The following LAMC2 variants were observed in gnomAD, a reference collection of about 807,000 sequenced individuals.
The protein encoded by LAMC2 is laminin subunit gamma-2.
Under a neutral mutation model 140.2 loss-of-function variants are expected in LAMC2, and 97 were observed. The ratio of observed to expected loss-of-function variants is 0.69; its 90% CI spans 0.59 to 0.82. The LOEUF (loss-of-function observed/expected upper bound fraction) is 0.82, where lower values mean the gene tolerates loss of function less well. Among genes scored for constraint, LAMC2 ranks in the 40% least tolerant of loss-of-function variants. The probability of loss-of-function intolerance (pLI) is 0.00; values close to 1 mark genes in which losing one functional copy is unlikely to be tolerated. For synonymous variants in LAMC2, 513 were observed against 540.2 expected (o/e 0.95, Z 0.70); for missense variants, 1,402 against 1,476.1 (o/e 0.95, Z 0.82).
At chr1:183,193,653 T>G (rs1449347334) in intron 1 of LAMC2, among the ~76,000 whole-genome samples, 1 of 152,204 alleles carries the variant, frequency 6.6e-6, no homozygotes, top group African/African-American at 2.4e-5. Flanking sequence ...CCAACAGTAA[T>G]CTGAAGCTGC....
At chr1:183,222,232 C>T (rs2296305) in intron 6 of LAMC2, 21 bp downstream of exon 6, 73,981 of 1,610,300 alleles carry the variant, frequency 0.046, 2,343 homozygotes, top group South Asian at 0.11. Context: ...AATAATGTCT[C>T]CTATAGAGGC....
intron 1 of LAMC2, among the ~76,000 whole-genome samples, chr1:183,193,096 G>A (rs1471963038): frequency 1.3e-5 from 2 of 152,108 alleles, no homozygotes; most frequent in Non-Finnish European, 2.9e-5. Context: ...CATCTATCTC[G>A]TCTTTTCAGA....
Position 183,197,922 on chromosome 1 carries a change from C to T in LAMC2, c.80-9959C>T, listed in dbSNP as rs182975956. On this transcript the variant is annotated intron_variant, in intron 1 of 22. Transcript: ENST00000264144. The stretch of plus-strand genomic sequence containing the variant: ...TTTAGAGTAGGGGTAAGGAAAGGAG[C>T]CAGCAAAGCCTTGAATAGGGAAGGT... 5.3e-5 allele frequency among the ~76,000 whole-genome samples: 8 copies of T among 151,956 alleles called. No individual in the cohort carries two copies. In the East Asian group the frequency reaches 1.4e-3, roughly 26 times the overall value.
downstream of LAMC2, among the ~76,000 whole-genome samples, chr1:183,245,388 G>C (rs987591012): frequency 1.3e-5 from 2 of 152,164 alleles, no homozygotes; most frequent in Non-Finnish European, 2.9e-5. Context: ...TTGTAATCCT[G>C]TCTTGGCATA....
At position 183,243,434 on chromosome 1, in the gene LAMC2, G is replaced by A. The variant is rs1226310936; in HGVS notation, c.*34G>A. ...TAAATATTTCTCAACTGAGGTTCTT[G>A]GGATACAGATCTCAGGGCTCGGGAG... On this transcript the variant is annotated 3_prime_UTR_variant, in exon 23 of 23. Coordinates refer to ENST00000264144, the MANE Select transcript of LAMC2 (RefSeq NM_005562.3). 6.2e-7 allele frequency: 1 copy of A among 1,613,900 alleles called. No individual in the cohort carries two copies. Among genetic ancestry groups the A allele is most frequent in the Non-Finnish European group, 8.5e-7 (1 of 1,179,930 alleles).
chr1:183,233,801 A>G (rs944725530), intron 14 of LAMC2, among the ~76,000 whole-genome samples: 2 of 149,944 alleles, frequency 1.3e-5, no homozygotes, highest in African/African-American at 4.9e-5. Flanking sequence ...GGATTTTTTT[A>G]TGTATATATA....
intron 14 of LAMC2, among the ~76,000 whole-genome samples, chr1:183,233,816 A>G (rs2147580): frequency 0.13 from 19,041 of 150,774 alleles, 1,216 homozygotes; most frequent in East Asian, 0.19. Context: ...TATATATTTT[A>G]ATGCATCTAT....
intron 3 of LAMC2, among the ~76,000 whole-genome samples, chr1:183,217,311 A>C (rs1010419239): frequency 1.3e-5 from 2 of 152,158 alleles, no homozygotes; most frequent in African/African-American, 4.8e-5. Flanking sequence ...TTGTGCCAGA[A>C]TTCAGTGAAA....
In LAMC2 at chr1:183,234,768, C is replaced by T. The variant is rs535748198; in HGVS notation, c.2300+322C>T. Among the ~76,000 whole-genome samples the T allele has an allele frequency of 5.9e-5, 9 of 152,278 alleles. No homozygotes were observed. The East Asian group carries it at 1.7e-3, about 29-fold the overall frequency. On this transcript the variant is annotated intron_variant, in intron 15 of 22. Transcript: ENST00000264144. Reference sequence around the variant, plus strand: ...GAATCAGCCCTTGGAAGAGAAAGCTCTGCAGCTTTCAGGGACTCCCACACC... The same window carrying T: ...GAATCAGCCCTTGGAAGAGAAAGCTTTGCAGCTTTCAGGGACTCCCACACC...
intron 22 of LAMC2, 122 bp downstream of exon 22, chr1:183,240,513 G>A (rs989360001): frequency 4.0e-6 from 6 of 1,484,636 alleles, no homozygotes; most frequent in Non-Finnish European, 5.4e-6. Context: ...ATCAGTAAAT[G>A]TGCTTTGTTT....
intron 16 of LAMC2, among the ~76,000 whole-genome samples, chr1:183,236,240 G>A (rs985785702): frequency 6.6e-6 from 1 of 151,728 alleles, no homozygotes; most frequent in African/African-American, 2.4e-5. Flanking sequence ...AAAAAAAGGG[G>A]GGGCCAGGTG....
rs73049759 is a variant in LAMC2, at chr1:183,216,321, G to C, written c.404+733G>C. On this transcript the variant is annotated intron_variant, in intron 3 of 22. Transcript: ENST00000264144. Reference sequence around the variant, plus strand: ...GGTCCGGCCTTCCCTGACCCTTTCAGATGGTCTTCAGAGATCACCCCTGCC... The same window carrying C: ...GGTCCGGCCTTCCCTGACCCTTTCACATGGTCTTCAGAGATCACCCCTGCC... Among the ~76,000 whole-genome samples, 1,368 of 152,258 alleles carry C rather than the reference G, an allele frequency of 9.0e-3. 20 individuals are homozygous for C. The highest frequency in any genetic ancestry group is 0.028 in the African/African-American group (1,158 of 41,542).
Position 183,217,930 on chromosome 1 carries a change from A to G in LAMC2, c.405-460A>G, listed in dbSNP as rs545567699. Among the ~76,000 whole-genome samples, 7 of 152,362 alleles carry G rather than the reference A, an allele frequency of 4.6e-5. No individual in the cohort carries two copies. The South Asian group carries it at 8.3e-4, about 18-fold the overall frequency. On this transcript the variant is annotated intron_variant, in intron 3 of 22. Coordinates refer to ENST00000264144, the MANE Select transcript of LAMC2 (RefSeq NM_005562.3). ...TGCATGGCATATGAATTATATCTCA[A>G]TTGAGGAATTACCAACAGAAAGAAC...
downstream of LAMC2, among the ~76,000 whole-genome samples, chr1:183,247,579 C>A (rs1370767217): frequency 4.0e-5 from 6 of 150,330 alleles, no homozygotes; most frequent in African/African-American, 1.2e-4. Flanking sequence ...CCCCAAGAAC[C>A]AAATGATTCA....
Position 183,222,302 on chromosome 1 carries a change from A to G in LAMC2, c.763+91A>G, listed in dbSNP as rs531247712. On this transcript the variant is annotated intron_variant, in intron 6 of 22. Transcript: ENST00000264144. The stretch of plus-strand genomic sequence containing the variant: ...TTGAGTTAGAAATTGTGGAAACCAT[A>G]TAACTTTGGGTTCAGGGTAGCAGCA... The G allele has an allele frequency of 6.2e-6, 9 of 1,445,240 alleles. No homozygotes were observed. The African/African-American group carries it at 9.8e-5, about 16-fold the overall frequency. The allele number at this position is 1,445,240 out of a possible 1,614,324, so 89.5% of individuals were successfully genotyped here. A position where few individuals can be genotyped will look rare whatever the true frequency, so the allele number is the denominator to read the frequency against.
At chr1:183,236,729 T>C (rs1659975571) in intron 17 of LAMC2, 125 bp downstream of exon 17, 1 of 1,146,132 alleles carries the variant, frequency 8.7e-7, no homozygotes, top group East Asian at 2.4e-5. Flanking sequence ...TGTTTTAGAG[T>C]GGGAAGAGTA....
Position 183,243,621 on chromosome 1 carries a change from G to C in LAMC2, c.*221G>C, listed in dbSNP as rs1571544933. ...CTGGGCAATGAGGCAGATAGCACTG[G>C]GTGTGAGAATGATCAAGGATCTGGA... On this transcript the variant is annotated 3_prime_UTR_variant, in exon 23 of 23. Coordinates refer to ENST00000264144, the MANE Select transcript of LAMC2 (RefSeq NM_005562.3). 1 of 593,706 alleles carries C rather than the reference G, an allele frequency of 1.7e-6. No homozygotes were observed. The highest frequency in any genetic ancestry group is 2.9e-5 in the East Asian group (1 of 34,470). 36.8% of individuals were successfully genotyped at this position (593,706 alleles called of 1,614,324 possible). A position where few individuals can be genotyped will look rare whatever the true frequency, so the allele number is the denominator to read the frequency against.
intron 14 of LAMC2, 93 bp from the exon 15 acceptor site, chr1:183,234,274 T>TG (rs1328008023): frequency 1.5e-5 from 13 of 863,408 alleles, no homozygotes. Flanking sequence ...TAATGACAAG[T>TG]GGTTCTGACA....
intron 1 of LAMC2, among the ~76,000 whole-genome samples, chr1:183,196,874 A>G (rs1658536267): frequency 6.6e-6 from 1 of 152,234 alleles, no homozygotes; most frequent in Admixed American, 6.5e-5. Context: ...ATGAAGACAT[A>G]AAATGAAGTG....
Sources: gnomAD v4.1 joint callset for allele counts (sites outside exome capture counted in the v4.1 genomes callset) on GRCh38, gnomAD v4.1.1 for gene constraint, MANE v1.5 for transcripts, NCBI Gene and HGNC (gene_info 2026-07-23, HGNC 2026-07-21) for gene names.